CDK6: variants seen among roughly 807,000 people sequenced by gnomAD.
The protein encoded by CDK6 is cyclin dependent kinase 6.
CDK6 carries 6 observed loss-of-function variants against 37.1 expected under a neutral mutation model. The observed-to-expected ratio is 0.16, with a 90% CI of 0.09 to 0.32. CDK6 has a LOEUF of 0.32. CDK6 is among the 10% of genes least tolerant of loss of function. The pLI, the probability that CDK6 is intolerant of heterozygous loss-of-function variation, is 1.00. For missense variants in CDK6, 224 were observed against 418.9 expected, an observed-to-expected ratio of 0.53 and a Z score of 4.06; for synonymous variants, 160 against 161.3, an observed-to-expected ratio of 0.99 and a Z score of 0.06.
intron 3 of CDK6, among the ~76,000 whole-genome samples, chr7:92,754,802 CT>C (rs1799272819): frequency 1.3e-5 from 2 of 152,280 alleles, no homozygotes; most frequent in South Asian, 4.1e-4. Context: ...GTCACCATAG[CT>C]TGTGGTAAAG....
intron 3 of CDK6, among the ~76,000 whole-genome samples, chr7:92,747,621 T>G (rs1799090700): frequency 6.6e-6 from 1 of 152,174 alleles, no homozygotes; most frequent in Non-Finnish European, 1.5e-5. Flanking sequence ...AGCTTCAATA[T>G]TCTAAAAAAA....
chr7:92,724,639 A>G (rs1173990330), intron 4 of CDK6, among the ~76,000 whole-genome samples: 1 of 152,168 alleles, frequency 6.6e-6, no homozygotes, highest in Non-Finnish European at 1.5e-5. Flanking sequence ...GAATGACCAA[A>G]GATGTTGCCA....
intron 2 of CDK6, among the ~76,000 whole-genome samples, chr7:92,794,209 T>C (rs547357271): frequency 3.3e-4 from 50 of 152,182 alleles, no homozygotes; most frequent in Admixed American, 1.8e-3. Flanking sequence ...TTACTGTGTG[T>C]CAGACACAAT....
At chr7:92,625,504 GC>G (rs1795905442) in intron 5 of CDK6, among the ~76,000 whole-genome samples, 1 of 148,784 alleles carries the variant, frequency 6.7e-6, no homozygotes, top group Non-Finnish European at 1.5e-5. Context: ...TTCTGAATTG[GC>G]AATATCACTT....
At chr7:92,683,387 A>ATATTTAAAC (rs1266991985) in intron 4 of CDK6, among the ~76,000 whole-genome samples, 1 of 152,230 alleles carries the variant, frequency 6.6e-6, no homozygotes. Flanking sequence ...CTAAATGAGT[A>ATATTTAAAC]CTAGCAGGTT....
At position 92,609,215 on chromosome 7, in the gene CDK6, T is replaced by G. The variant is rs1268002025; in HGVS notation, c.*5925A>C. On this transcript the variant is annotated 3_prime_UTR_variant, in exon 8 of 8. Transcript: ENST00000424848. ...TAAGCTGCTTTCTGTGGTGCTGTGC[T>G]AAGGAAACTGAAAAATACTGCAATA... is the stretch of plus-strand genomic sequence containing the variant. 1 of 232,818 alleles carries G rather than the reference T, an allele frequency of 4.3e-6. No individual in the cohort carries two copies. The highest frequency in any genetic ancestry group is 2.2e-5 in the African/African-American group (1 of 45,306). 14.4% of individuals were successfully genotyped at this position (232,818 alleles called of 1,614,324 possible).
chr7:92,715,233 C>A (rs1031646176), intron 4 of CDK6, among the ~76,000 whole-genome samples: 1 of 151,928 alleles, frequency 6.6e-6, no homozygotes, highest in African/African-American at 2.4e-5. Context: ...GAATTTAAGA[C>A]AGAAGAGGAA....
rs533628271 is a variant in CDK6, at chr7:92,608,653, C to T, written c.*6487G>A. Reference sequence around the variant, plus strand: ...CCGCATCTCTTTTTACCCGAACTTTCGGAGAATTGTGTTGTACTTATTTAT... The same window carrying T: ...CCGCATCTCTTTTTACCCGAACTTTTGGAGAATTGTGTTGTACTTATTTAT... On this transcript the variant is annotated 3_prime_UTR_variant, in exon 8 of 8. Transcript: ENST00000424848. The T allele has an allele frequency of 4.3e-6, 1 of 231,836 alleles. No individual in the cohort carries two copies. Among genetic ancestry groups the T allele is most frequent in the South Asian group, 1.8e-4 (1 of 5,522 alleles). 14.4% of individuals were successfully genotyped at this position (231,836 alleles called of 1,614,324 possible).
chr7:92,659,421 T>C (rs1046300211), intron 5 of CDK6, among the ~76,000 whole-genome samples: 3 of 152,318 alleles, frequency 2.0e-5, no homozygotes, highest in Admixed American at 2.0e-4. Flanking sequence ...AAAAAAAATA[T>C]ATTATTAAAA....
intron 4 of CDK6, among the ~76,000 whole-genome samples, chr7:92,695,886 C>A (rs1797707231): frequency 6.6e-6 from 1 of 152,194 alleles, no homozygotes; most frequent in Non-Finnish European, 1.5e-5. Flanking sequence ...TGCACTGGAG[C>A]TGCACAAAGG....
chr7:92,621,928 G>T (rs947247509), intron 6 of CDK6, among the ~76,000 whole-genome samples: 6 of 151,974 alleles, frequency 3.9e-5, no homozygotes, highest in Non-Finnish European at 5.9e-5. Flanking sequence ...AACAAAATCA[G>T]GTTCCAGTTT....
At chr7:92,624,047 T>C (rs1004058197) in intron 5 of CDK6, among the ~76,000 whole-genome samples, 2 of 152,110 alleles carry the variant, frequency 1.3e-5, no homozygotes, top group African/African-American at 4.8e-5. Flanking sequence ...ATATTTTCTG[T>C]GCACAATAAA....
At chr7:92,732,588 G>C (rs978311778) in intron 3 of CDK6, among the ~76,000 whole-genome samples, 2 of 151,784 alleles carry the variant, frequency 1.3e-5, no homozygotes, top group Admixed American at 6.5e-5. Flanking sequence ...GAGTAGAACA[G>C]ATAATTATTT....
At chr7:92,656,404 C>T (rs1415593976) in intron 5 of CDK6, among the ~76,000 whole-genome samples, 1 of 152,068 alleles carries the variant, frequency 6.6e-6, no homozygotes, top group Non-Finnish European at 1.5e-5. Flanking sequence ...TGTCACTACC[C>T]CCTATCATTT....
intron 2 of CDK6, among the ~76,000 whole-genome samples, chr7:92,789,105 G>A (rs1800217855): frequency 6.6e-6 from 1 of 152,144 alleles, no homozygotes; most frequent in Admixed American, 6.6e-5. Context: ...TAGCCTGGAT[G>A]TAAGAGTGAC....
At chr7:92,762,163 G>A (rs926931704) in intron 3 of CDK6, among the ~76,000 whole-genome samples, 2 of 151,992 alleles carry the variant, frequency 1.3e-5, no homozygotes, top group Admixed American at 1.3e-4. Context: ...ATAATGGGGG[G>A]GACAAGAATT....
At chr7:92,633,026 C>T (rs945299134) in intron 5 of CDK6, among the ~76,000 whole-genome samples, 1 of 137,690 alleles carries the variant, frequency 7.3e-6, no homozygotes, top group African/African-American at 2.7e-5. Context: ...TAGTTTTGAA[C>T]AAGTACAGGG....
chr7:92,707,593 C>A (rs1562941930), intron 4 of CDK6, among the ~76,000 whole-genome samples: 1 of 152,146 alleles, frequency 6.6e-6, no homozygotes, highest in East Asian at 1.9e-4. Flanking sequence ...AAAACAACAT[C>A]AATGGAGTCA....
chr7:92,744,428 C>T (rs1351895471), intron 3 of CDK6, among the ~76,000 whole-genome samples: 1 of 152,212 alleles, frequency 6.6e-6, no homozygotes, highest in Non-Finnish European at 1.5e-5. Context: ...CCATGATTCA[C>T]TTAACTCCCA....
Sources: allele counts gnomAD v4.1 joint callset (sites outside exome capture counted in the v4.1 genomes callset), GRCh38; gene constraint gnomAD v4.1.1; transcripts MANE v1.5; gene names NCBI Gene and HGNC (gene_info 2026-07-23, HGNC 2026-07-21).